Variants in SLC14A2 observed in about 807,000 individuals in gnomAD.
The protein encoded by SLC14A2 is urea transporter 2.
A neutral mutation model predicts 104.6 loss-of-function variants in SLC14A2; 91 were observed. The observed-to-expected ratio is 0.87, with a 90% CI of 0.73 to 1.04. SLC14A2 has a LOEUF of 1.04. SLC14A2 is among the 50% of genes least tolerant of loss of function. The pLI is 0.00. For missense variants in SLC14A2, 1,189 were observed against 1,156.0 expected (o/e 1.03, Z -0.41); for synonymous variants, 476 against 466.4 (o/e 1.02, Z -0.27).
At chr18:45,655,335 T>C (rs1397035233) in intron 10 of SLC14A2, among the ~76,000 whole-genome samples, 1 of 152,138 alleles carries the variant, frequency 6.6e-6, no homozygotes, top group Non-Finnish European at 1.5e-5. Flanking sequence ...GATATAAGCC[T>C]TGGTGAACTT....
At chr18:45,216,720 G>A (rs2084014444) in intron 1 of SLC14A2, among the ~76,000 whole-genome samples, 1 of 152,170 alleles carries the variant, frequency 6.6e-6, no homozygotes, top group Non-Finnish European at 1.5e-5. Flanking sequence ...ACATAGGGGG[G>A]CCGAGCAGCA....
chr18:45,308,311 A>G (rs1449762040), intron 1 of SLC14A2, among the ~76,000 whole-genome samples: 1 of 152,200 alleles, frequency 6.6e-6, no homozygotes, highest in African/African-American at 2.4e-5. Flanking sequence ...GCAGCTGAAG[A>G]AGTCAAGATC....
chr18:45,625,823 C>T lies in SLC14A2; in HGVS notation c.291C>T (p.Tyr97=). The change falls in exon 3 of 20, where the codon TAC becomes TAT. Residue 97 remains tyrosine (Y), a synonymous_variant. Transcript: ENST00000255226. ...RCICLSKAVG[Y]LTGDMKEYRI... Reference sequence around the variant, plus strand: ...TCTGCCTCTCCAAAGCAGTGGGCTACCTCACGGGCGACATGAAGGAGTACA... The same window carrying T: ...TCTGCCTCTCCAAAGCAGTGGGCTATCTCACGGGCGACATGAAGGAGTACA... 1 of 1,510,696 alleles carries T rather than the reference C, an allele frequency of 6.6e-7. No homozygotes were observed. Among genetic ancestry groups the T allele is most frequent in the African/African-American group, 1.5e-5 (1 of 68,956 alleles). The allele number at this position is 1,510,696 out of a possible 1,614,324, so 93.6% of individuals were successfully genotyped here. A position where few individuals can be genotyped will look rare whatever the true frequency, so the allele number is the denominator to read the frequency against.
At chr18:45,457,033 TCTC>T (rs767995676) in intron 1 of SLC14A2, among the ~76,000 whole-genome samples, 4 of 152,052 alleles carry the variant, frequency 2.6e-5, no homozygotes, top group Non-Finnish European at 5.9e-5. Context: ...GCTGCCAGGA[TCTC>T]CTCCTAGTTA....
chr18:45,585,349 C>T (rs973967453), intron 2 of SLC14A2, among the ~76,000 whole-genome samples: 1 of 152,144 alleles, frequency 6.6e-6, no homozygotes, highest in South Asian at 2.1e-4. Flanking sequence ...ATTATTGCCT[C>T]CCCTCTCTAG....
At chr18:45,362,546 C>T (rs1171927322) in intron 1 of SLC14A2, among the ~76,000 whole-genome samples, 1 of 152,112 alleles carries the variant, frequency 6.6e-6, no homozygotes, top group Non-Finnish European at 1.5e-5. Context: ...AGTGACATGC[C>T]CAGAGTCACA....
rs144779003 is a variant in SLC14A2, at chr18:45,519,745, C to T, written c.-35+36423C>T. ...TAATTTTAAGAAATTAAGCTAAAGG[C>T]TCAGAGAAATTCCACCCGTGCTGTT... On this transcript the variant is annotated intron_variant, in intron 2 of 20. Transcript: ENST00000586448. Among the ~76,000 whole-genome samples the T allele has an allele frequency of 1.0e-3, 153 of 152,316 alleles. 1 individual carries two copies. The highest frequency in any genetic ancestry group is 1.7e-3 in the Non-Finnish European group (113 of 68,040).
chr18:45,293,507 G>A (rs75597626), intron 1 of SLC14A2, among the ~76,000 whole-genome samples: 1,805 of 152,006 alleles, frequency 0.012, 19 homozygotes, highest in Non-Finnish European at 0.02. Context: ...GAGGTGTCAG[G>A]CAAGGTCCCC....
intron 2 of SLC14A2, among the ~76,000 whole-genome samples, chr18:45,595,378 G>T (rs929920399): frequency 6.6e-6 from 1 of 151,354 alleles, no homozygotes; most frequent in Non-Finnish European, 1.5e-5. Context: ...TGTAAGGTAG[G>T]CATGATTTGT....
intron 1 of SLC14A2, among the ~76,000 whole-genome samples, chr18:45,386,887 C>T (rs1038980263): frequency 6.6e-6 from 1 of 152,190 alleles, no homozygotes; most frequent in African/African-American, 2.4e-5. Context: ...TAGCACATAA[C>T]CAGGCACATG....
chr18:45,403,380 T>C (rs1267968444), intron 1 of SLC14A2, among the ~76,000 whole-genome samples: 2 of 152,244 alleles, frequency 1.3e-5, no homozygotes, highest in Non-Finnish European at 2.9e-5. Context: ...TAACATGGAA[T>C]AATAATTTAA....
intron 2 of SLC14A2, among the ~76,000 whole-genome samples, chr18:45,519,056 C>T (rs187164444): frequency 2.0e-5 from 3 of 152,294 alleles, no homozygotes; most frequent in Non-Finnish European, 4.4e-5. Flanking sequence ...TACAAAATAG[C>T]AGTGTGCTAG....
intron 1 of SLC14A2, among the ~76,000 whole-genome samples, chr18:45,289,300 G>A (rs1008961571): frequency 6.6e-6 from 1 of 152,048 alleles, no homozygotes; most frequent in Non-Finnish European, 1.5e-5. Flanking sequence ...AGGCAGTGAG[G>A]GGGCTGCTGA....
intron 1 of SLC14A2, among the ~76,000 whole-genome samples, chr18:45,346,588 G>T (rs908452913): frequency 6.6e-6 from 1 of 152,126 alleles, no homozygotes; most frequent in African/African-American, 2.4e-5. Context: ...GGCATCTTCT[G>T]ATAAGCAGGA....
At chr18:45,462,505 T>C (rs953766774) in intron 1 of SLC14A2, among the ~76,000 whole-genome samples, 31 of 152,196 alleles carry the variant, frequency 2.0e-4, no homozygotes, top group Admixed American at 2.0e-3. Context: ...TTCTGAGATA[T>C]GTGATTTGAA....
At chr18:45,299,385 G>A (rs2084946038) in intron 1 of SLC14A2, among the ~76,000 whole-genome samples, 1 of 152,114 alleles carries the variant, frequency 6.6e-6, no homozygotes. Flanking sequence ...TAGCTCCCAG[G>A]AAAAGCCAGG....
chr18:45,406,345 T>G lies in SLC14A2; in HGVS notation c.-124-76888T>G, dbSNP rs146490275. 3.9e-5 allele frequency among the ~76,000 whole-genome samples: 6 copies of G among 152,324 alleles called. No homozygotes were observed. In the East Asian group the frequency reaches 1.2e-3, roughly 29 times the overall value. The stretch of plus-strand genomic sequence containing the variant: ...TGATCATGAGATTGCAGCAATTCAG[T>G]CACATCTTCAGTCTCCACTTCTAAT... On this transcript the variant is annotated intron_variant, in intron 1 of 20. Transcript: ENST00000586448.
chr18:45,535,859 T>C (rs1388691632), intron 2 of SLC14A2, among the ~76,000 whole-genome samples: 1 of 152,166 alleles, frequency 6.6e-6, no homozygotes, highest in Non-Finnish European at 1.5e-5. Flanking sequence ...TCTGCCATAG[T>C]TGGACTTGGA....
At chr18:45,515,656 GAAA>G (rs1291063319) in intron 2 of SLC14A2, 3 of 152,278 alleles carry the variant, frequency 2.0e-5, no homozygotes, top group African/African-American at 7.2e-5. Flanking sequence ...AGGAAGGGAA[GAAA>G]AAAAGCACGC....
Sources: allele counts gnomAD v4.1 joint callset (sites outside exome capture counted in the v4.1 genomes callset), GRCh38; gene constraint gnomAD v4.1.1; transcripts MANE v1.5; gene names NCBI Gene and HGNC (gene_info 2026-07-23, HGNC 2026-07-21).